The following CCSER1 variants were observed in gnomAD, a reference collection of about 807,000 sequenced individuals.
CCSER1 encodes the protein coiled-coil serine rich protein 1.
A neutral mutation model predicts 82.0 loss-of-function variants in CCSER1; 41 were observed. The observed-to-expected ratio is 0.50, with a 90% CI of 0.39 to 0.65. The LOEUF (loss-of-function observed/expected upper bound fraction) is 0.65. CCSER1 is among the 30% of genes least tolerant of loss of function. The pLI is 0.00. For missense variants in CCSER1, 1,119 were observed against 1,064.2 expected, an observed-to-expected ratio of 1.05 and a Z score of -0.72; for synonymous variants, 414 against 383.9, an observed-to-expected ratio of 1.08 and a Z score of -0.92.
At chr4:90,156,236 G>GACC (rs1284517130) in intron 1 of CCSER1, among the ~76,000 whole-genome samples, 1 of 152,184 alleles carries the variant, frequency 6.6e-6, no homozygotes, top group African/African-American at 2.4e-5. Context: ...TGGTCTGAGA[G>GACC]ACAGTTTGTT....
At chr4:91,069,175 T>TA (rs749308046) in intron 9 of CCSER1, among the ~76,000 whole-genome samples, 1 of 151,716 alleles carries the variant, frequency 6.6e-6, no homozygotes, top group Non-Finnish European at 1.5e-5. Context: ...AAAAAATAAA[T>TA]AAAAAATAAA....
At chr4:90,843,611 A>C (rs1013924035) in intron 8 of CCSER1, among the ~76,000 whole-genome samples, 3 of 152,200 alleles carry the variant, frequency 2.0e-5, no homozygotes, top group Non-Finnish European at 4.4e-5. Flanking sequence ...ATTTTACAAC[A>C]CACAACATAA....
At chr4:90,374,760 T>C (rs1748026857) in intron 3 of CCSER1, among the ~76,000 whole-genome samples, 1 of 152,182 alleles carries the variant, frequency 6.6e-6, no homozygotes, top group Admixed American at 6.5e-5. Context: ...TCCAGTTAAA[T>C]CAGCTGACTT....
At chr4:90,847,554 G>A (rs1763367833) in intron 8 of CCSER1, among the ~76,000 whole-genome samples, 1 of 151,588 alleles carries the variant, frequency 6.6e-6, no homozygotes, top group Admixed American at 6.6e-5. Context: ...TCTTTCTTTA[G>A]TTCATCATCT....
At chr4:90,730,495 G>A (rs56741043) in intron 7 of CCSER1, among the ~76,000 whole-genome samples, 7,822 of 152,172 alleles carry the variant, frequency 0.051, 458 homozygotes, top group African/African-American at 0.15. Flanking sequence ...TTGGTATGTC[G>A]ATGTCAACAA....
At chr4:90,530,522 T>C (rs750379304) in intron 5 of CCSER1, among the ~76,000 whole-genome samples, 37 of 152,202 alleles carry the variant, frequency 2.4e-4, no homozygotes, top group Non-Finnish European at 3.4e-4. Flanking sequence ...ACTTTGGGGC[T>C]GCTATCTTTA....
chr4:91,424,363 G>T (rs1453094895), intron 10 of CCSER1, among the ~76,000 whole-genome samples: 5 of 152,000 alleles, frequency 3.3e-5, no homozygotes, highest in Non-Finnish European at 7.4e-5. Flanking sequence ...GCGGAATTTG[G>T]GTTGGTTTTT....
chr4:90,981,739 A>C (rs1736133269), intron 9 of CCSER1, among the ~76,000 whole-genome samples: 1 of 151,870 alleles, frequency 6.6e-6, no homozygotes, highest in African/African-American at 2.4e-5. Flanking sequence ...GCTCTGAAGG[A>C]GAAAGGAACT....
At position 90,905,910 on chromosome 4, in the gene CCSER1, A is replaced by G. The variant is rs559897690; in HGVS notation, c.2095-17460A>G. The stretch of plus-strand genomic sequence containing the variant: ...AAATATAAATATGCAAAATAATACA[A>G]TGTATATTTAAATATACAATTTTAT... On this transcript the variant is annotated intron_variant, in intron 8 of 10. Coordinates refer to ENST00000509176, the MANE Select transcript of CCSER1 (RefSeq NM_001145065.2). 1.1e-4 allele frequency among the ~76,000 whole-genome samples: 17 copies of G among 152,284 alleles called. No individual in the cohort carries two copies. The East Asian group carries it at 3.1e-3, about 28-fold the overall frequency.
At chr4:91,049,400 A>C (rs1051899050) in intron 9 of CCSER1, among the ~76,000 whole-genome samples, 4 of 152,324 alleles carry the variant, frequency 2.6e-5, no homozygotes, top group African/African-American at 9.6e-5. Flanking sequence ...TCACACAACA[A>C]ATGGTGATAT....
chr4:90,753,374 A>G (rs1749012900), intron 7 of CCSER1, among the ~76,000 whole-genome samples: 1 of 152,144 alleles, frequency 6.6e-6, no homozygotes, highest in Admixed American at 6.6e-5. Flanking sequence ...AGGTAAAAAT[A>G]AATTTTATGT....
chr4:91,421,557 A>G lies in CCSER1; in HGVS notation c.2218-177015A>G, dbSNP rs189751391. The stretch of plus-strand genomic sequence containing the variant: ...TTCTTTATTCAGTCTGTTGATTCAA[A>G]TGCTAATCTCTTCCAGAAATATATC... On this transcript the variant is annotated intron_variant, in intron 10 of 10. Transcript: ENST00000509176. Among the ~76,000 whole-genome samples, 713 of 152,252 alleles carry G rather than the reference A, an allele frequency of 4.7e-3. 6 individuals carry two copies. Among genetic ancestry groups the G allele is most frequent in the African/African-American group, 0.016 (644 of 41,534 alleles).
At chr4:90,655,170 G>A (rs761652054) in intron 6 of CCSER1, among the ~76,000 whole-genome samples, 3 of 151,854 alleles carry the variant, frequency 2.0e-5, no homozygotes, top group Non-Finnish European at 2.9e-5. Flanking sequence ...TGTTTCTCAT[G>A]TCAAATCTAG....
chr4:90,806,321 C>G (rs1354701274), intron 7 of CCSER1, among the ~76,000 whole-genome samples: 1 of 152,118 alleles, frequency 6.6e-6, no homozygotes, highest in Non-Finnish European at 1.5e-5. Flanking sequence ...AGATTGTGAA[C>G]TCCTTCAGAA....
intron 9 of CCSER1, among the ~76,000 whole-genome samples, chr4:90,930,620 A>AT (rs967027229): frequency 1.3e-5 from 2 of 151,872 alleles, no homozygotes; most frequent in Non-Finnish European, 2.9e-5. Flanking sequence ...CTCAAAAAAA[A>AT]GAAAAAGGAA....
intron 9 of CCSER1, among the ~76,000 whole-genome samples, chr4:91,007,043 T>C (rs1366977771): frequency 6.6e-6 from 1 of 152,240 alleles, no homozygotes; most frequent in Non-Finnish European, 1.5e-5. Context: ...TGTATGTTTT[T>C]TGTCCTTTAT....
At chr4:90,451,872 C>T (rs1761503473) in intron 4 of CCSER1, among the ~76,000 whole-genome samples, 1 of 152,122 alleles carries the variant, frequency 6.6e-6, no homozygotes, top group Non-Finnish European at 1.5e-5. Context: ...GAAAGAATAC[C>T]ATGAATAATA....
intron 10 of CCSER1, among the ~76,000 whole-genome samples, chr4:91,127,077 GACAGCA>G (rs1727586406): frequency 6.6e-6 from 1 of 151,854 alleles, no homozygotes; most frequent in Admixed American, 6.6e-5. Flanking sequence ...ATCATCCCTG[GACAGCA>G]ACAAACAGAA....
At chr4:91,318,083 C>G (rs1350027630) in intron 10 of CCSER1, among the ~76,000 whole-genome samples, 1 of 151,790 alleles carries the variant, frequency 6.6e-6, no homozygotes, top group African/African-American at 2.4e-5. Context: ...AAAATACACT[C>G]TTGCTGGTCA....
Sources: allele counts gnomAD v4.1 joint callset (sites outside exome capture counted in the v4.1 genomes callset), GRCh38; gene constraint gnomAD v4.1.1; transcripts MANE v1.5; gene names NCBI Gene and HGNC (gene_info 2026-07-23, HGNC 2026-07-21).